PID1: variants seen among roughly 807,000 people sequenced by gnomAD.
PID1 encodes phosphotyrosine interaction domain containing 1.
Under a neutral mutation model 19.1 loss-of-function variants are expected in PID1, and 10 were observed. That is an observed-to-expected ratio of 0.52 (90% CI 0.32 to 0.89). The LOEUF (loss-of-function observed/expected upper bound fraction) is 0.89, where lower values mean the gene tolerates loss of function less well. Ranked by LOEUF, PID1 falls within the 40% of genes least tolerant of loss-of-function variation. PID1 has a pLI of 0.03. For missense variants in PID1, 248 were observed against 285.3 expected (o/e 0.87, Z 0.94); for synonymous variants, 130 against 116.0 (o/e 1.12, Z -0.78).
At position 229,271,226 on chromosome 2, in the gene PID1, T is replaced by A. The variant is rs982567358; in HGVS notation, c.-183A>T. ...AGCAGGAGGAGGCGCGGCGCTCAGC[T>A]GCCGGCAACTTGTGGGCACGGCCGC... On this transcript the variant is annotated 5_prime_UTR_variant, in exon 1 of 3. Transcript: ENST00000392055. The A allele has an allele frequency of 1.8e-6, 1 of 544,550 alleles. No homozygotes were observed. The highest frequency in any genetic ancestry group is 2.6e-5 in the South Asian group (1 of 38,146). The allele number at this position is 544,550 out of a possible 1,614,324, so 33.7% of individuals were successfully genotyped here. A position where few individuals can be genotyped will look rare whatever the true frequency, so the allele number is the denominator to read the frequency against.
intron 2 of PID1, among the ~76,000 whole-genome samples, chr2:229,112,478 A>ATTAT (rs537150974): frequency 5.9e-4 from 89 of 152,090 alleles, no homozygotes; most frequent in African/African-American, 1.8e-3. Context: ...TTTCTAAAAT[A>ATTAT]TTATTTATTT....
intron 2 of PID1, among the ~76,000 whole-genome samples, chr2:229,143,326 C>T (rs1690059093): frequency 6.6e-6 from 1 of 151,586 alleles, no homozygotes; most frequent in African/African-American, 2.4e-5. Context: ...TGCACATGTA[C>T]CCTAAAACTT....
intron 1 of PID1, among the ~76,000 whole-genome samples, chr2:229,187,356 C>A (rs1691154522): frequency 6.6e-6 from 1 of 152,132 alleles, no homozygotes; most frequent in Admixed American, 6.5e-5. Flanking sequence ...CGAGACTGGG[C>A]AATTTACAAA....
chr2:229,138,980 GAAGAAAGAAAGAAAGAAAGAAAGAAAGA>G (rs1176284832), intron 2 of PID1, among the ~76,000 whole-genome samples: 2 of 67,024 alleles, frequency 3.0e-5, no homozygotes, highest in Non-Finnish European at 5.7e-5. Context: ...GAAAAAAATA[GAAGAAAGAAAGAAAGAAAGAAAGAAAGA>G]AAGAAAGAAA....
intron 1 of PID1, among the ~76,000 whole-genome samples, chr2:229,204,346 G>A (rs1691560533): frequency 1.3e-5 from 2 of 152,024 alleles, no homozygotes; most frequent in Admixed American, 6.6e-5. Context: ...TGATAATGGT[G>A]AAAAAACACA....
chr2:229,137,283 A>T (rs1464801548), intron 2 of PID1, among the ~76,000 whole-genome samples: 1 of 152,212 alleles, frequency 6.6e-6, no homozygotes. Context: ...CAAATGCGCT[A>T]CACTCATTTG....
chr2:229,150,090 C>T (rs922719630), intron 2 of PID1, among the ~76,000 whole-genome samples: 17 of 151,786 alleles, frequency 1.1e-4, no homozygotes, highest in African/African-American at 2.4e-4. Flanking sequence ...AAAAATTAGG[C>T]GGGCCTGGTG....
At chr2:229,201,655 C>T (rs1404334512) in intron 1 of PID1, among the ~76,000 whole-genome samples, 19 of 152,046 alleles carry the variant, frequency 1.2e-4, no homozygotes, top group Admixed American at 1.1e-3. Flanking sequence ...TGTGAAATTG[C>T]CGGATCATAT....
intron 1 of PID1, among the ~76,000 whole-genome samples, chr2:229,219,945 G>A (rs750482047): frequency 3.9e-5 from 6 of 152,062 alleles, no homozygotes; most frequent in Non-Finnish European, 5.9e-5. Flanking sequence ...ATAAAAATGT[G>A]GGAACACTGA....
At chr2:229,058,114 C>A (rs918943283) in intron 2 of PID1, among the ~76,000 whole-genome samples, 1 of 152,176 alleles carries the variant, frequency 6.6e-6, no homozygotes, top group African/African-American at 2.4e-5. Context: ...GGCTGCTTCT[C>A]CGTGGACACC....
chr2:229,197,779 G>A (rs1047433831), intron 1 of PID1, among the ~76,000 whole-genome samples: 5 of 151,832 alleles, frequency 3.3e-5, no homozygotes, highest in African/African-American at 4.8e-5. Context: ...ATACCTTACC[G>A]AGGCTGTATA....
Position 229,173,062 on chromosome 2 carries a change from T to G in PID1, c.31-17098A>C, listed in dbSNP as rs78275716. Among the ~76,000 whole-genome samples, 596 of 152,236 alleles carry G rather than the reference T, an allele frequency of 3.9e-3. 5 individuals carry two copies. The highest frequency in any genetic ancestry group is 0.014 in the African/African-American group (563 of 41,542). ...TTTTGAAGGGGCTCAGAAGACACTATTCAGCCCAAAACAGAAAGGAAAGGA... is the reference window on the plus strand; with the variant it reads ...TTTTGAAGGGGCTCAGAAGACACTAGTCAGCCCAAAACAGAAAGGAAAGGA... On this transcript the variant is annotated intron_variant, in intron 1 of 2. Coordinates refer to ENST00000392055, the MANE Select transcript of PID1 (RefSeq NM_001100818.2).
chr2:229,071,103 A>G (rs1216683569), intron 2 of PID1, among the ~76,000 whole-genome samples: 1 of 152,172 alleles, frequency 6.6e-6, no homozygotes, highest in African/African-American at 2.4e-5. Context: ...GATACCGACA[A>G]AGAGTAGAAT....
At chr2:229,030,250 G>A (rs375867544) in intron 2 of PID1, among the ~76,000 whole-genome samples, 2 of 152,170 alleles carry the variant, frequency 1.3e-5, no homozygotes, top group Non-Finnish European at 2.9e-5. Context: ...GTTGCCGGGG[G>A]ATTGGGGGAG....
At chr2:229,072,140 C>A (rs10490032) in intron 2 of PID1, among the ~76,000 whole-genome samples, 10,764 of 152,150 alleles carry the variant, frequency 0.071, 629 homozygotes, top group Admixed American at 0.18. Flanking sequence ...AGTAAGATAA[C>A]TCAGTTTCAC....
At chr2:229,199,347 G>C (rs896985619) in intron 1 of PID1, among the ~76,000 whole-genome samples, 2 of 151,868 alleles carry the variant, frequency 1.3e-5, no homozygotes, top group African/African-American at 2.4e-5. Flanking sequence ...TTTAATTTTT[G>C]TTGGTATATT....
At chr2:229,119,155 T>C (rs1466828478) in intron 2 of PID1, among the ~76,000 whole-genome samples, 3 of 152,198 alleles carry the variant, frequency 2.0e-5, no homozygotes, top group Admixed American at 1.3e-4. Context: ...GAAACTACTG[T>C]AAAAATGTGT....
chr2:229,090,642 GT>G (rs1694854027), intron 2 of PID1, among the ~76,000 whole-genome samples: 1 of 152,132 alleles, frequency 6.6e-6, no homozygotes, highest in Non-Finnish European at 1.5e-5. Flanking sequence ...ATATCCCATA[GT>G]TTTTGTTTTC....
intron 1 of PID1, among the ~76,000 whole-genome samples, chr2:229,268,263 C>A (rs1211623396): frequency 6.6e-6 from 1 of 152,152 alleles, no homozygotes; most frequent in Non-Finnish European, 1.5e-5. Context: ...TGTGGGGACA[C>A]AGAAGTGTGG....
Sources: gnomAD v4.1 joint callset for allele counts (sites outside exome capture counted in the v4.1 genomes callset) on GRCh38, gnomAD v4.1.1 for gene constraint, MANE v1.5 for transcripts, NCBI Gene and HGNC (gene_info 2026-07-23, HGNC 2026-07-21) for gene names.